The following PPP3CA variants were observed in gnomAD, a reference collection of about 807,000 sequenced individuals.
PPP3CA encodes CAM-PRP catalytic subunit.
PPP3CA carries 14 observed loss-of-function variants against 66.5 expected under a neutral mutation model. The observed-to-expected ratio is 0.21, with a 90% CI of 0.14 to 0.33. The LOEUF is 0.33. PPP3CA is among the 10% of genes least tolerant of loss of function. The pLI is 1.00. For synonymous variants in PPP3CA, 232 were observed against 226.2 expected (o/e 1.03, Z -0.23); for missense variants, 317 against 639.5 (o/e 0.50, Z 5.44).
chr4:101,164,024 AGGCT>A lies in PPP3CA; in HGVS notation c.259+31888_259+31891del, dbSNP rs563492172. ...GAGACGAGGTCTTGCTCTGTCACCC[AGGCT>A]GGAGTGCAGTGGTGTAATCATAACT... On this transcript the variant is annotated intron_variant, in intron 2 of 13. Coordinates refer to ENST00000394854, the MANE Select transcript of PPP3CA (RefSeq NM_000944.5). 5.0e-3 allele frequency among the ~76,000 whole-genome samples: 91 copies of A among 18,200 alleles called. 2 individuals carry two copies. In the East Asian group the frequency reaches 0.1, roughly 20 times the overall value. The allele number at this position is 18,200 out of a possible 152,430, so 11.9% of individuals were successfully genotyped here.
chr4:101,081,676 A>T (rs952374996), intron 7 of PPP3CA, among the ~76,000 whole-genome samples: 5 of 152,214 alleles, frequency 3.3e-5, no homozygotes, highest in Non-Finnish European at 7.4e-5. Context: ...CAGCTCAAAA[A>T]GTATCTTTAG....
At chr4:101,106,222 A>G (rs56240854) in intron 3 of PPP3CA, among the ~76,000 whole-genome samples, 23,698 of 150,984 alleles carry the variant, frequency 0.16, 4,076 homozygotes, top group African/African-American at 0.42. Flanking sequence ...TTGGGAGGCT[A>G]AGGCGGGAGG....
chr4:101,062,168 A>G (rs1356351113), intron 9 of PPP3CA, among the ~76,000 whole-genome samples: 1 of 152,136 alleles, frequency 6.6e-6, no homozygotes, highest in African/African-American at 2.4e-5. Flanking sequence ...GTCAGCATCC[A>G]CACTGCTTCT....
chr4:101,109,126 G>T, intron 2 of PPP3CA, 48 bp from the exon 3 acceptor site: 1 of 1,528,878 alleles, frequency 6.5e-7, no homozygotes, highest in South Asian at 1.2e-5. Context: ...TTAGGACTTT[G>T]AATTAAATAA....
rs149965675 is a variant in PPP3CA at position 101,322,285 on chromosome 4, A to T, written c.58+24454T>A. Among the ~76,000 whole-genome samples, 747 of 152,210 alleles carry T rather than the reference A, an allele frequency of 4.9e-3. 5 individuals are homozygous for T. The highest frequency in any genetic ancestry group is 0.016 in the African/African-American group (669 of 41,522). ...CATCTTGGAAAATGATGGCATTAAG[A>T]GATACAGCCTTTGGGGTATGATTAG... On this transcript the variant is annotated intron_variant, in intron 1 of 13. Coordinates refer to ENST00000394854, the MANE Select transcript of PPP3CA (RefSeq NM_000944.5).
chr4:101,333,871 T>C (rs553328699), intron 1 of PPP3CA, among the ~76,000 whole-genome samples: 21 of 152,302 alleles, frequency 1.4e-4, no homozygotes, highest in African/African-American at 3.6e-4. Context: ...GCAAAACTTA[T>C]ACCGTGATTT....
At chr4:101,101,844 T>G (rs1278129963) in intron 3 of PPP3CA, among the ~76,000 whole-genome samples, 1 of 152,188 alleles carries the variant, frequency 6.6e-6, no homozygotes, top group Non-Finnish European at 1.5e-5. Context: ...TAGTTTTGCC[T>G]GTAACAATTT....
At chr4:101,207,326 A>T (rs1578554581) in intron 1 of PPP3CA, among the ~76,000 whole-genome samples, 1 of 152,188 alleles carries the variant, frequency 6.6e-6, no homozygotes, top group Admixed American at 6.5e-5. Flanking sequence ...AATTAAAAAG[A>T]CATTTTTAAT....
At chr4:101,305,107 C>A (rs1441380542) in intron 1 of PPP3CA, among the ~76,000 whole-genome samples, 1 of 152,168 alleles carries the variant, frequency 6.6e-6, no homozygotes, top group Non-Finnish European at 1.5e-5. Context: ...GACAGCAGAA[C>A]CACTTCCCAC....
intron 5 of PPP3CA, among the ~76,000 whole-genome samples, chr4:101,097,084 A>T (rs1730228550): frequency 6.6e-6 from 1 of 152,186 alleles, no homozygotes; most frequent in Non-Finnish European, 1.5e-5. Flanking sequence ...ATAACTTAAG[A>T]AATAAATTCT....
intron 8 of PPP3CA, 61 bp downstream of exon 8, chr4:101,080,471 A>G: frequency 1.0e-6 from 1 of 953,786 alleles, no homozygotes. Context: ...CCAAAATAAA[A>G]CGGCTTAAGA....
chr4:101,074,010 T>C (rs1380263586), intron 8 of PPP3CA, among the ~76,000 whole-genome samples: 1 of 152,190 alleles, frequency 6.6e-6, no homozygotes, highest in Non-Finnish European at 1.5e-5. Context: ...AAACTGTTGT[T>C]ACGGGGCAAA....
intron 1 of PPP3CA, among the ~76,000 whole-genome samples, chr4:101,248,566 G>C (rs1355601281): frequency 6.6e-6 from 1 of 152,104 alleles, no homozygotes; most frequent in Non-Finnish European, 1.5e-5. Context: ...CTCTGGGGAA[G>C]GGGTTTCATC....
intron 1 of PPP3CA, among the ~76,000 whole-genome samples, chr4:101,287,642 C>A (rs866841917): frequency 1.3e-5 from 2 of 152,126 alleles, no homozygotes; most frequent in African/African-American, 4.8e-5. Context: ...ATTCTACAGC[C>A]AGGACAAGAA....
At chr4:101,227,805 C>A in intron 1 of PPP3CA, among the ~76,000 whole-genome samples, 1 of 151,714 alleles carries the variant, frequency 6.6e-6, no homozygotes, top group East Asian at 1.9e-4. Context: ...CTTATGAGAA[C>A]ATGCAGTATT....
intron 1 of PPP3CA, among the ~76,000 whole-genome samples, chr4:101,302,644 C>T (rs1236162115): frequency 6.6e-6 from 1 of 152,204 alleles, no homozygotes; most frequent in African/African-American, 2.4e-5. Context: ...ATTCTCCTGC[C>T]TTAGCCTCCC....
intron 1 of PPP3CA, among the ~76,000 whole-genome samples, chr4:101,283,733 G>C (rs914097463): frequency 6.6e-6 from 1 of 152,100 alleles, no homozygotes; most frequent in Non-Finnish European, 1.5e-5. Context: ...AAGACAATCA[G>C]ATTTTCTCTC....
At chr4:101,150,963 C>A (rs1390133792) in intron 2 of PPP3CA, among the ~76,000 whole-genome samples, 1 of 152,180 alleles carries the variant, frequency 6.6e-6, no homozygotes, top group African/African-American at 2.4e-5. Context: ...CTATAAATTA[C>A]ATGTAATCCA....
At chr4:101,221,740 T>TA (rs1725631426) in intron 1 of PPP3CA, among the ~76,000 whole-genome samples, 1 of 151,596 alleles carries the variant, frequency 6.6e-6, no homozygotes, top group Admixed American at 6.6e-5. Flanking sequence ...ACTGCATATA[T>TA]ATAATCATAT....
Sources: allele counts gnomAD v4.1 joint callset (sites outside exome capture counted in the v4.1 genomes callset), GRCh38; gene constraint gnomAD v4.1.1; transcripts MANE v1.5; gene names NCBI Gene and HGNC (gene_info 2026-07-23, HGNC 2026-07-21).